The following TMEM86A variants were observed in gnomAD, a reference collection of about 807,000 sequenced individuals.
TMEM86A encodes the protein lysoplasmalogenase TMEM86A.
Under a neutral mutation model 19.8 loss-of-function variants are expected in TMEM86A, and 13 were observed. The ratio of observed to expected loss-of-function variants is 0.66; its 90% CI spans 0.43 to 1.04. TMEM86A has a LOEUF of 1.04. Among genes scored for constraint, TMEM86A ranks in the 50% least tolerant of loss-of-function variants. TMEM86A has a pLI of 0.00. For synonymous variants in TMEM86A, 128 were observed against 129.9 expected, an observed-to-expected ratio of 0.99 and a Z score of 0.10; for missense variants, 248 against 306.8, an observed-to-expected ratio of 0.81 and a Z score of 1.43.
rs1441479655 is a variant in TMEM86A at position 18,701,893 on chromosome 11, C to A, written c.607C>A (p.Pro203Thr). The change falls in exon 3 of 3, where the codon CCC becomes ACC. Residue 203 changes from proline to threonine, a missense_variant. Pro to Thr is a conservative substitution (Grantham distance 38, BLOSUM62 -1). Transcript: ENST00000280734. The surrounding 1 kb of genome is among the most constrained non-coding windows in gnomAD (Gnocchi z 5.3). ...IALNKFCFPV[P>T]YSRALIMSTY... ...CCTCAACAAATTCTGTTTTCCTGTGCCCTACTCTCGGGCGCTTATCATGTC... is the reference window on the plus strand; with the variant it reads ...CCTCAACAAATTCTGTTTTCCTGTGACCTACTCTCGGGCGCTTATCATGTC... 6.2e-7 allele frequency: 1 copy of A among 1,614,148 alleles called. No individual in the cohort carries two copies. Among genetic ancestry groups the A allele is most frequent in the Non-Finnish European group, 8.5e-7 (1 of 1,180,040 alleles).
Position 18,702,120 on chromosome 11 carries a change from C to A in TMEM86A, c.*111C>A. On this transcript the variant is annotated 3_prime_UTR_variant, in exon 3 of 3. Coordinates refer to ENST00000280734, the MANE Select transcript of TMEM86A (RefSeq NM_153347.3). The stretch of plus-strand genomic sequence containing the variant: ...CAGTGCCAGCCTGGGGCAGCAGGTA[C>A]TGCCTGAGGAATTTGCAAGTTCGTG... 1 of 1,181,840 alleles carries A rather than the reference C, an allele frequency of 8.5e-7. No individual in the cohort carries two copies. The highest frequency in any genetic ancestry group is 1.2e-6 in the Non-Finnish European group (1 of 842,162). 73.2% of individuals were successfully genotyped at this position (1,181,840 alleles called of 1,614,324 possible).
Position 18,701,014 on chromosome 11 carries a change from C to T in TMEM86A, c.103C>T (p.Pro35Ser), listed in dbSNP as rs1215251105. The change falls in exon 2 of 3, where the codon CCA (proline) becomes TCA (serine). Residue 35 changes from proline (P) to serine (S), a missense_variant. Physicochemically the swap from Pro to Ser is moderately conservative, Grantham distance 74. Coordinates refer to ENST00000280734, the MANE Select transcript of TMEM86A (RefSeq NM_153347.3). The surrounding 1 kb of genome is among the most constrained non-coding windows in gnomAD (Gnocchi z 5.3). ...YFVLWLPSSS[P>S]SWVSTLIKCL... Reference sequence around the variant, plus strand: ...TGTGCTCTGGCTGCCCTCATCTAGCCCATCGTGGGTCAGCACCCTCATCAA... The same window carrying T: ...TGTGCTCTGGCTGCCCTCATCTAGCTCATCGTGGGTCAGCACCCTCATCAA... 1.2e-6 allele frequency: 2 copies of T among 1,614,182 alleles called. No individual in the cohort carries two copies. Among genetic ancestry groups the T allele is most frequent in the Non-Finnish European group, 1.7e-6 (2 of 1,180,038 alleles).
Position 18,704,494 on chromosome 11 carries a change from G to T in TMEM86A, c.*2485G>T. 2 of 1,550,750 alleles carry T rather than the reference G, an allele frequency of 1.3e-6. No homozygotes were observed. Among genetic ancestry groups the T allele is most frequent in the Non-Finnish European group, 1.7e-6 (2 of 1,146,424 alleles). The stretch of plus-strand genomic sequence containing the variant: ...CACATGAGGTGCTTTGATTTCTTCT[G>T]CAGACTCTCGGTGATGGATGCTACA... On this transcript the variant is annotated 3_prime_UTR_variant, in exon 3 of 3. Transcript: ENST00000280734.
Position 18,701,527 on chromosome 11 carries a change from C to A in TMEM86A, c.287-46C>A, listed in dbSNP as rs1848149522. ...CCCTACCCCCACCCTGTTACTCATT[C>A]TTCATCAAGCTTGCCCTCAGCTGCC... On this transcript the variant is annotated intron_variant, in intron 2 of 2. Transcript: ENST00000280734. The surrounding 1 kb of genome is among the most constrained non-coding windows in gnomAD (Gnocchi z 5.3). 7 of 1,518,282 alleles carry A rather than the reference C, an allele frequency of 4.6e-6. No homozygotes were observed. Among genetic ancestry groups the A allele is most frequent in the Non-Finnish European group, 5.3e-6 (6 of 1,131,114 alleles). 94.1% of individuals were successfully genotyped at this position (1,518,282 alleles called of 1,614,324 possible).
chr11:18,700,185 C>A (rs1028930326), intron 1 of TMEM86A: 8 of 152,348 alleles, frequency 5.3e-5, no homozygotes, highest in African/African-American at 1.9e-4. Context: ...AACCTCTCCC[C>A]CCTTTCCTGC....
At position 18,699,395 on chromosome 11, in the gene TMEM86A, C is replaced by G. The variant is rs770966431; in HGVS notation, c.21+488C>G. ...CTGAGTCTAAGAAGCGCTGATAACG[C>G]GCTGGGGGAAAAGGGGGCATTCTCT... On this transcript the variant is annotated intron_variant, in intron 1 of 2. Coordinates refer to ENST00000280734, the MANE Select transcript of TMEM86A (RefSeq NM_153347.3). The surrounding 1 kb of genome is among the most constrained non-coding windows in gnomAD (Gnocchi z 4.0). Among the ~76,000 whole-genome samples, 6 of 152,230 alleles carry G rather than the reference C, an allele frequency of 3.9e-5. No homozygotes were observed. Among genetic ancestry groups the G allele is most frequent in the Non-Finnish European group, 8.8e-5 (6 of 68,032 alleles).
At chr11:18,700,136 C>T (rs922397887) in intron 1 of TMEM86A, 1 of 152,470 alleles carries the variant, frequency 6.6e-6, no homozygotes. Flanking sequence ...CCCCATCTCC[C>T]AGCCTGTCTG....
In TMEM86A at chr11:18,701,509, C is replaced by T; in HGVS notation, c.287-64C>T. ...CTCCATCGCCACATCCATCCCTACC[C>T]CCACCCTGTTACTCATTCTTCATCA... On this transcript the variant is annotated intron_variant, in intron 2 of 2. Transcript: ENST00000280734. This position sits in a 1 kb window ranked among gnomAD's most constrained non-coding sequence, Gnocchi z 5.3. The T allele has an allele frequency of 6.7e-7, 1 of 1,489,982 alleles. No homozygotes were observed. The highest frequency in any genetic ancestry group is 1.4e-5 in the African/African-American group (1 of 71,288). The allele number at this position is 1,489,982 out of a possible 1,614,324, so 92.3% of individuals were successfully genotyped here.
rs1249555917 is a variant in TMEM86A at position 18,702,364 on chromosome 11, G to T, written c.*355G>T. Reference sequence around the variant, plus strand: ...ACCAGGTGGAAGAGTCTGACTCCATGTGTTATGCCTAGGACCAATGGCAGT... The same window carrying T: ...ACCAGGTGGAAGAGTCTGACTCCATTTGTTATGCCTAGGACCAATGGCAGT... On this transcript the variant is annotated 3_prime_UTR_variant, in exon 3 of 3. Coordinates refer to ENST00000280734, the MANE Select transcript of TMEM86A (RefSeq NM_153347.3). The T allele has an allele frequency of 5.9e-6, 2 of 339,566 alleles. No homozygotes were observed. Among genetic ancestry groups the T allele is most frequent in the East Asian group, 1.3e-4 (2 of 14,976 alleles). 21.0% of individuals were successfully genotyped at this position (339,566 alleles called of 1,614,324 possible). A position where few individuals can be genotyped will look rare whatever the true frequency, so the allele number is the denominator to read the frequency against.
rs763499201 is a variant in TMEM86A, at chr11:18,701,961, C to T, written c.675C>T (p.Val225=). The change falls in exon 3 of 3, where the codon GTC becomes GTT. Residue 225 remains valine (V), a synonymous_variant. Transcript: ENST00000280734. The surrounding 1 kb of genome is among the most constrained non-coding windows in gnomAD (Gnocchi z 5.3). ...VAQMLVALSA[V]ESREPVEHYR... ...AGATGCTCGTCGCCTTGTCAGCTGT[C>T]GAAAGCCGGGAGCCTGTGGAACACT... The T allele has an allele frequency of 3.5e-5, 56 of 1,611,836 alleles. No individual in the cohort carries two copies. The Middle Eastern group carries it at 4.9e-4, about 14-fold the overall frequency.
chr11:18,702,359 T>G lies in TMEM86A; in HGVS notation c.*350T>G. On this transcript the variant is annotated 3_prime_UTR_variant, in exon 3 of 3. Transcript: ENST00000280734. ...CCCCTACCAGGTGGAAGAGTCTGAC[T>G]CCATGTGTTATGCCTAGGACCAATG... The G allele has an allele frequency of 2.9e-6, 1 of 347,830 alleles. No homozygotes were observed. 21.5% of individuals were successfully genotyped at this position (347,830 alleles called of 1,614,324 possible).
Position 18,701,088 on chromosome 11 carries a change from G to A in TMEM86A, c.177G>A (p.Leu59=). Residue 59 remains leucine, a synonymous_variant, in exon 2 of 3, where the codon CTG becomes CTA. Transcript: ENST00000280734. The surrounding 1 kb of genome is among the most constrained non-coding windows in gnomAD (Gnocchi z 5.3). ...CLWLFLLAHG[L]GFLLAHPSAT... is the part of the protein sequence containing the mutation. ...GGCTCTTCCTTCTGGCCCATGGCCT[G>A]GGATTCCTGCTGGCCCACCCCAGCG... The A allele has an allele frequency of 6.2e-7, 1 of 1,614,152 alleles. No homozygotes were observed. Among genetic ancestry groups the A allele is most frequent in the Middle Eastern group, 1.6e-4 (1 of 6,062 alleles).
At chr11:18,698,968 C>A in intron 1 of TMEM86A, 61 bp downstream of exon 1, 1 of 472,338 alleles carries the variant, frequency 2.1e-6, no homozygotes, top group South Asian at 3.6e-5. Context: ...GCCTGGCCAC[C>A]GGACTTCGGC....
rs887605692 is a variant in TMEM86A, at chr11:18,704,725, A to G, written c.*2716A>G. 3.4e-6 allele frequency: 2 copies of G among 592,104 alleles called. No homozygotes were observed. The highest frequency in any genetic ancestry group is 6.1e-6 in the Non-Finnish European group (2 of 329,000). The allele number at this position is 592,104 out of a possible 1,614,324, so 36.7% of individuals were successfully genotyped here. On this transcript the variant is annotated 3_prime_UTR_variant, in exon 3 of 3. Transcript: ENST00000280734. Reference sequence around the variant, plus strand: ...CTTAATATTTGCCAGACATTGTGCCAGGCAGTTGTGTACTGTCTCATTTAA... The same window carrying G: ...CTTAATATTTGCCAGACATTGTGCCGGGCAGTTGTGTACTGTCTCATTTAA...
chr11:18,702,261 T>C lies in TMEM86A; in HGVS notation c.*252T>C. ...CCAGAAGTAGACATCTCCCCACCTC[T>C]ACCCTATCAGGACTTTCAAAACCCC... On this transcript the variant is annotated 3_prime_UTR_variant, in exon 3 of 3. Transcript: ENST00000280734. 1.9e-6 allele frequency: 1 copy of C among 527,034 alleles called. No individual in the cohort carries two copies. The highest frequency in any genetic ancestry group is 3.4e-6 in the Non-Finnish European group (1 of 292,082). 32.6% of individuals were successfully genotyped at this position (527,034 alleles called of 1,614,324 possible).
In TMEM86A at chr11:18,701,947, G is replaced by A. The variant is rs1277137320; in HGVS notation, c.661G>A (p.Ala221Thr). 8 of 1,613,048 alleles carry A rather than the reference G, an allele frequency of 5.0e-6. No homozygotes were observed. The highest frequency in any genetic ancestry group is 3.3e-4 in the Middle Eastern group (2 of 6,062). ...STYYVAQMLVALSAVESREPV... is the reference protein window; with the variant it reads ...STYYVAQMLVTLSAVESREPV... The stretch of plus-strand genomic sequence containing the variant: ...CTACTATGTGGCCCAGATGCTCGTC[G>A]CCTTGTCAGCTGTCGAAAGCCGGGA... Residue 221 changes from alanine to threonine, a missense_variant, in exon 3 of 3, where the codon GCC becomes ACC. Ala to Thr is a moderately conservative substitution (Grantham distance 58). Coordinates refer to ENST00000280734, the MANE Select transcript of TMEM86A (RefSeq NM_153347.3). The surrounding 1 kb of genome is among the most constrained non-coding windows in gnomAD (Gnocchi z 5.3).
At position 18,704,655 on chromosome 11, in the gene TMEM86A, G is replaced by T. The variant is rs543639922; in HGVS notation, c.*2646G>T. 2.9e-5 allele frequency: 20 copies of T among 699,780 alleles called. No individual in the cohort carries two copies. The highest frequency in any genetic ancestry group is 4.5e-5 in the Non-Finnish European group (18 of 396,642). 43.3% of individuals were successfully genotyped at this position (699,780 alleles called of 1,614,324 possible). ...GCTGGACCCTGGGACCCTTAATCTT[G>T]GGTTGGCAGAGTGTGAAGGGGCAAG... On this transcript the variant is annotated 3_prime_UTR_variant, in exon 3 of 3. Transcript: ENST00000280734.
chr11:18,702,971 C>T lies in TMEM86A; in HGVS notation c.*962C>T, dbSNP rs1848165378. 2.0e-5 allele frequency: 3 copies of T among 152,710 alleles called. No individual in the cohort carries two copies. In the South Asian group the frequency reaches 6.2e-4, roughly 32 times the overall value. 9.5% of individuals were successfully genotyped at this position (152,710 alleles called of 1,614,324 possible). A position where few individuals can be genotyped will look rare whatever the true frequency, so the allele number is the denominator to read the frequency against. On this transcript the variant is annotated 3_prime_UTR_variant, in exon 3 of 3. Coordinates refer to ENST00000280734, the MANE Select transcript of TMEM86A (RefSeq NM_153347.3). Reference sequence around the variant, plus strand: ...TCACAGTGCTTTCCTCCTTGTCCCTCCTACACTAGGAGCAAGAGGAGGGGG... The same window carrying T: ...TCACAGTGCTTTCCTCCTTGTCCCTTCTACACTAGGAGCAAGAGGAGGGGG...
rs1335861371 is a variant in TMEM86A at position 18,699,153 on chromosome 11, C to G, written c.21+246C>G. ...AAACACTGGCCACGTGACTCGGAAGCGTGACTTTGTTGATCTCCATGTATT... is the reference window on the plus strand; with the variant it reads ...AAACACTGGCCACGTGACTCGGAAGGGTGACTTTGTTGATCTCCATGTATT... On this transcript the variant is annotated intron_variant, in intron 1 of 2. Transcript: ENST00000280734. The surrounding 1 kb of genome is among the most constrained non-coding windows in gnomAD (Gnocchi z 4.0). Among the ~76,000 whole-genome samples, 1 of 152,222 alleles carries G rather than the reference C, an allele frequency of 6.6e-6. No homozygotes were observed. Among genetic ancestry groups the G allele is most frequent in the African/African-American group, 2.4e-5 (1 of 41,472 alleles).
Sources: allele counts gnomAD v4.1 joint callset (sites outside exome capture counted in the v4.1 genomes callset), GRCh38; gene constraint gnomAD v4.1.1; non-coding constraint Gnocchi (gnomAD v3.1); transcripts MANE v1.5; gene names NCBI Gene and HGNC (gene_info 2026-07-23, HGNC 2026-07-21).